Variants in TECTA observed in about 807,000 individuals in gnomAD.
TECTA encodes tectorin alpha, also known as alpha-tectorin.
A neutral mutation model predicts 216.8 loss-of-function variants in TECTA; 128 were observed. The ratio of observed to expected loss-of-function variants is 0.59; its 90% confidence interval spans 0.51 to 0.68. The LOEUF (loss-of-function observed/expected upper bound fraction) is 0.68, where lower values mean the gene tolerates loss of function less well. Among genes scored for constraint, TECTA ranks in the 30% least tolerant of loss-of-function variants. The pLI is 0.00. For synonymous variants in TECTA, 1,089 were observed against 1,117.1 expected (o/e 0.97, Z 0.50); for missense variants, 2,551 against 2,786.2 (o/e 0.92, Z 1.90).
At chr11:121,174,919 G>A (rs1947149523) in intron 20 of TECTA, among the ~76,000 whole-genome samples, 1 of 152,146 alleles carries the variant, frequency 6.6e-6, no homozygotes, top group Non-Finnish European at 1.5e-5. Flanking sequence ...TTTAGTCTTG[G>A]GAGGGTGTAT....
In TECTA at chr11:121,156,019, T is replaced by C. The variant is rs554742137; in HGVS notation, c.4306-1822T>C. ...TGTAGGTATTTTATATAATGTTGTA[T>C]AATTTCTTCACCATCTGAAAGAGGA... is the stretch of plus-strand genomic sequence containing the variant. On this transcript the variant is annotated intron_variant, in intron 13 of 23. Transcript: ENST00000392793. Among the ~76,000 whole-genome samples the C allele has an allele frequency of 4.6e-5, 7 of 152,364 alleles. No individual in the cohort carries two copies. In the East Asian group the frequency reaches 1.3e-3, roughly 29 times the overall value.
chr11:121,157,340 C>T (rs1050584826), intron 13 of TECTA, among the ~76,000 whole-genome samples: 1 of 152,058 alleles, frequency 6.6e-6, no homozygotes, highest in African/African-American at 2.4e-5. Context: ...GGTGGTGGCT[C>T]ATACCCGTAA....
chr11:121,146,192 C>T, intron 12 of TECTA, 76 bp downstream of exon 12: 1 of 1,553,290 alleles, frequency 6.4e-7, no homozygotes. Flanking sequence ...TCTTCCAACT[C>T]CCTAGAAGTC....
intron 20 of TECTA, among the ~76,000 whole-genome samples, chr11:121,179,564 C>CAAT (rs1395971552): frequency 2.0e-5 from 3 of 152,186 alleles, no homozygotes; most frequent in Non-Finnish European, 4.4e-5. Flanking sequence ...GTCTAAAGTG[C>CAAT]AATTTAAGTA....
chr11:121,168,848 C>T lies in TECTA; in HGVS notation c.5922C>T (p.Ile1974=), dbSNP rs868659131. ...FVVGADATHL[I]LTLNKCYATP... ...TTGGAGCTGACGCCACACATTTAAT[C>T]CTAACACTCAACAAATGCTATGCCA... The change falls in exon 20 of 24, where the codon ATC becomes ATT. Residue 1974 remains isoleucine, a synonymous_variant. Coordinates refer to ENST00000392793, the MANE Select transcript of TECTA (RefSeq NM_005422.4). The T allele has an allele frequency of 1.9e-6, 3 of 1,614,072 alleles. No homozygotes were observed. Among genetic ancestry groups the T allele is most frequent in the African/African-American group, 2.7e-5 (2 of 75,006 alleles).
At chr11:121,106,136 C>A (rs568564438) in intron 3 of TECTA, among the ~76,000 whole-genome samples, 172 bp downstream of exon 3, 71 of 152,068 alleles carry the variant, frequency 4.7e-4, no homozygotes, top group Non-Finnish European at 9.4e-4. Context: ...ATAAGAAAGT[C>A]AAAGGTATAT....
rs920381859 is a variant in TECTA, at chr11:121,157,917, C to T, written c.4382C>T (p.Pro1461Leu). The T allele has an allele frequency of 1.2e-6, 2 of 1,614,032 alleles. No individual in the cohort carries two copies. Among genetic ancestry groups the T allele is most frequent in the East Asian group, 2.2e-5 (1 of 44,898 alleles). Reference protein sequence around the residue: ...CFRRNVIQCDPRQCKSDEECA... With the variant: ...CFRRNVIQCDLRQCKSDEECA... The stretch of plus-strand genomic sequence containing the variant: ...CGTCGCAACGTGATTCAGTGCGACC[C>T]GCGCCAATGCAAGTCAGACGAGGAG... The change falls in exon 14 of 24, where the codon CCG (proline) becomes CTG (leucine). Residue 1461 changes from proline (P) to leucine (L), a missense_variant. Physicochemically the swap from Pro to Leu is moderately conservative, Grantham distance 98 (BLOSUM62 -3). Coordinates refer to ENST00000392793, the MANE Select transcript of TECTA (RefSeq NM_005422.4).
intron 7 of TECTA, among the ~76,000 whole-genome samples, chr11:121,124,723 TG>T (rs1173873497): frequency 6.6e-6 from 1 of 152,188 alleles, no homozygotes; most frequent in Non-Finnish European, 1.5e-5. Flanking sequence ...GGTGTTTAAT[TG>T]TGTTGTTGTT....
chr11:121,155,250 TTCAGGA>T (rs1946929970), intron 13 of TECTA, among the ~76,000 whole-genome samples: 1 of 152,226 alleles, frequency 6.6e-6, no homozygotes, highest in Non-Finnish European at 1.5e-5. Flanking sequence ...TGATGCTAGT[TTCAGGA>T]TCAGATTCTC....
intron 20 of TECTA, among the ~76,000 whole-genome samples, chr11:121,178,827 G>A (rs1387355901): frequency 6.6e-6 from 1 of 152,062 alleles, no homozygotes; most frequent in Non-Finnish European, 1.5e-5. Flanking sequence ...AACCTTGGTA[G>A]GTTGTATGTG....
Position 121,157,843 on chromosome 11 carries a change from C to G in TECTA, c.4308C>G (p.Pro1436=), listed in dbSNP as rs761079088. 7 of 1,613,844 alleles carry G rather than the reference C, an allele frequency of 4.3e-6. No homozygotes were observed. The highest frequency in any genetic ancestry group is 5.1e-6 in the Non-Finnish European group (6 of 1,180,048). ...GCYSDGKYYE[P]KQLFWNSDCT... is the part of the protein sequence containing the mutation. ...TGCAAACGGCGCCTCTCTTCCAGCC[C>G]AAGCAGCTATTTTGGAACAGCGACT... is the stretch of plus-strand genomic sequence containing the variant. The change falls in exon 14 of 24, where the codon CCC becomes CCG. Residue 1436 remains proline, a splice_region_variant and synonymous_variant. Transcript: ENST00000392793.
At chr11:121,124,519 C>A (rs567166487) in intron 7 of TECTA, among the ~76,000 whole-genome samples, 1 of 152,184 alleles carries the variant, frequency 6.6e-6, no homozygotes. Context: ...TATGTGATTC[C>A]CCTATGCTGG....
chr11:121,165,348 T>A lies in TECTA; in HGVS notation c.5348T>A (p.Leu1783Gln). 1 of 1,604,958 alleles carries A rather than the reference T, an allele frequency of 6.2e-7. No homozygotes were observed. Among genetic ancestry groups the A allele is most frequent in the South Asian group, 1.1e-5 (1 of 88,608 alleles). ...TGCGAGCTGGGCAATGGCAGGGAGC[T>A]GTGTGGCTGCATCGAGCCACCCCCC... The part of the protein sequence containing the change: ...RTCELGNGRE[L>Q]CGCIEPPPYG... Residue 1783 changes from leucine (L) to glutamine (Q), a missense_variant, in exon 17 of 24, where the codon CTG becomes CAG. Transcript: ENST00000392793.
chr11:121,106,414 A>G (rs773760756), intron 3 of TECTA, among the ~76,000 whole-genome samples: 2 of 152,170 alleles, frequency 1.3e-5, no homozygotes, highest in African/African-American at 2.4e-5. Flanking sequence ...ATCAACTATT[A>G]TATCAAAGTT....
At chr11:121,118,254 C>T (rs1205756157) in intron 6 of TECTA, 52 bp from the exon 7 acceptor site, 9 of 1,606,552 alleles carry the variant, frequency 5.6e-6, no homozygotes, top group Non-Finnish European at 6.8e-6. Context: ...CAATGCCTGG[C>T]ACAGAGGGGA....
intron 20 of TECTA, among the ~76,000 whole-genome samples, chr11:121,177,561 C>G (rs559616115): frequency 1.3e-5 from 2 of 152,130 alleles, no homozygotes; most frequent in Non-Finnish European, 2.9e-5. Flanking sequence ...AGTACCCGGC[C>G]GTGTGAGGTG....
intron 19 of TECTA, 78 bp downstream of exon 19, chr11:121,168,295 C>T (rs1044749383): frequency 1.6e-5 from 25 of 1,586,014 alleles, no homozygotes; most frequent in African/African-American, 6.7e-5. Context: ...AAATTGCTAG[C>T]GTTTGTCTTT....
rs745883567 is a variant in TECTA, at chr11:121,129,915, A to T, written c.2645A>T (p.Glu882Val). 1 of 1,613,846 alleles carries T rather than the reference A, an allele frequency of 6.2e-7. No homozygotes were observed. The highest frequency in any genetic ancestry group is 2.2e-5 in the East Asian group (1 of 44,874). ...TTCCTGGAAAGCTGGACAACTTTCGAGGAGATCTGCAATGGAGAGTGTGGG... is the reference window on the plus strand; with the variant it reads ...TTCCTGGAAAGCTGGACAACTTTCGTGGAGATCTGCAATGGAGAGTGTGGG... ...AVFLESWTTF[E>V]EICNGECGDL... Residue 882 changes from glutamate (E) to valine (V), a missense_variant, in exon 10 of 24, where the codon GAG becomes GTG. By Grantham distance (121) the Glu-to-Val change is moderately radical. Coordinates refer to ENST00000392793, the MANE Select transcript of TECTA (RefSeq NM_005422.4).
chr11:121,137,495 G>A lies in TECTA; in HGVS notation c.3016G>A (p.Gly1006Ser), dbSNP rs375052932. 2.7e-5 allele frequency: 43 copies of A among 1,613,688 alleles called. No homozygotes were observed. The highest frequency in any genetic ancestry group is 1.6e-4 in the Middle Eastern group (1 of 6,084). ...AGAGACCTGTGAGACCCTTACCCTG[G>A]GCCCCATCTGCGTGGATAGCTGCTC... ...CTETCETLTL[G>S]PICVDSCSEG... The change falls in exon 11 of 24, where the codon GGC becomes AGC. Residue 1006 changes from glycine to serine, a missense_variant. Coordinates refer to ENST00000392793, the MANE Select transcript of TECTA (RefSeq NM_005422.4).
Sources: gnomAD v4.1 joint callset for allele counts (sites outside exome capture counted in the v4.1 genomes callset) on GRCh38, gnomAD v4.1.1 for gene constraint, MANE v1.5 for transcripts, NCBI Gene and HGNC (gene_info 2026-07-23, HGNC 2026-07-21) for gene names.